Variants in SLC3A1 observed in about 807,000 individuals in gnomAD.
The protein encoded by SLC3A1 is solute carrier family 3 member 1.
SLC3A1 carries 78 observed loss-of-function variants against 60.3 expected under a neutral mutation model. That is an observed-to-expected ratio of 1.29 (90% CI 1.08 to 1.56). SLC3A1 has a LOEUF of 1.56. SLC3A1 is among the 40% of genes most tolerant of loss of function. The pLI is 0.00. For missense variants in SLC3A1, 1,172 were observed against 858.9 expected (o/e 1.36, Z -4.56); for synonymous variants, 392 against 307.9 (o/e 1.27, Z -2.86).
At chr2:44,316,166 A>G (rs1672443292) in intron 9 of SLC3A1, 1 of 152,292 alleles carries the variant, frequency 6.6e-6, no homozygotes, top group Non-Finnish European at 1.5e-5. Flanking sequence ...AAACAGATCA[A>G]GAATCACACA....
At chr2:44,313,774 C>T (rs768694759) in intron 8 of SLC3A1, 61 bp from the exon 9 acceptor site, 51 of 1,245,302 alleles carry the variant, frequency 4.1e-5, no homozygotes, top group Non-Finnish European at 5.9e-5. Flanking sequence ...TAAATCAGGA[C>T]CAAAGCACAT....
rs780321792 is a variant in SLC3A1 at position 44,304,186 on chromosome 2, G to T, written c.1180G>T (p.Val394Leu). The part of the protein sequence containing the change: ...EAYAESIDRT[V>L]MYYGLPFIQE... ...CTATGCAGAGAGTATTGACAGGACC[G>T]TGATGTACTATGGATTGCCATTTAT... is the stretch of plus-strand genomic sequence containing the variant. The change falls in exon 7 of 10, where the codon GTG (valine) becomes TTG (leucine). Residue 394 changes from valine (V) to leucine (L), a missense_variant. Physicochemically the swap from Val to Leu is conservative, Grantham distance 32. Coordinates refer to ENST00000260649, the MANE Select transcript of SLC3A1 (RefSeq NM_000341.4). 2 of 1,614,062 alleles carry T rather than the reference G, an allele frequency of 1.2e-6. No homozygotes were observed. Among genetic ancestry groups the T allele is most frequent in the East Asian group, 4.5e-5 (2 of 44,880 alleles).
At chr2:44,307,758 T>C (rs1474108426) in intron 7 of SLC3A1, among the ~76,000 whole-genome samples, 1 of 152,170 alleles carries the variant, frequency 6.6e-6, no homozygotes, top group Non-Finnish European at 1.5e-5. Flanking sequence ...TTTGCAAGTA[T>C]TTTCTCCCAT....
chr2:44,288,990 A>C (rs1195161014), intron 4 of SLC3A1, among the ~76,000 whole-genome samples: 1 of 151,754 alleles, frequency 6.6e-6, no homozygotes, highest in Admixed American at 6.6e-5. Flanking sequence ...ACGTGCCACC[A>C]TGCCCAACTA....
rs111275723 is a variant in SLC3A1 at position 44,280,246 on chromosome 2, C to CT, written c.431-460dup. Among the ~76,000 whole-genome samples the CT allele has an allele frequency of 4.3e-3, 638 of 148,752 alleles. 4 individuals carry two copies. Among genetic ancestry groups the CT allele is most frequent in the African/African-American group, 0.014 (572 of 40,628 alleles). On this transcript the variant is annotated intron_variant, in intron 1 of 9. Coordinates refer to ENST00000260649, the MANE Select transcript of SLC3A1 (RefSeq NM_000341.4). ...AGATGACTAATTTGATTTTCTCTTT[C>CT]TTTTTTTTTTGAGAAAGGGTCTTGC...
chr2:44,293,723 T>C (rs1222276257), intron 4 of SLC3A1, among the ~76,000 whole-genome samples: 1 of 152,134 alleles, frequency 6.6e-6, no homozygotes, highest in Non-Finnish European at 1.5e-5. Context: ...GGCCTGGTGT[T>C]GGTAGACCTT....
chr2:44,310,284 G>A (rs766035473), intron 7 of SLC3A1, among the ~76,000 whole-genome samples: 48 of 152,306 alleles, frequency 3.2e-4, no homozygotes, highest in South Asian at 1.2e-3. Context: ...AGCCATGTAC[G>A]AAGGTTCCAA....
chr2:44,311,260 TTATC>T (rs1476751301), intron 7 of SLC3A1, among the ~76,000 whole-genome samples: 6 of 152,226 alleles, frequency 3.9e-5, no homozygotes, highest in African/African-American at 1.2e-4. Flanking sequence ...ATAATTTCTC[TTATC>T]TATTTGATAA....
intron 9 of SLC3A1, 161 bp downstream of exon 9, chr2:44,314,112 A>T: frequency 6.6e-7 from 1 of 1,509,152 alleles, no homozygotes; most frequent in South Asian, 1.2e-5. Context: ...TTTGTAAATC[A>T]TGCCTTTGTG....
intron 4 of SLC3A1, among the ~76,000 whole-genome samples, chr2:44,288,216 G>A (rs555610692): frequency 7.2e-5 from 11 of 152,074 alleles, no homozygotes; most frequent in Non-Finnish European, 1.6e-4. Flanking sequence ...TGTAGAGACA[G>A]GGTTTTGCCA....
chr2:44,282,721 G>C (rs1671528573), intron 3 of SLC3A1, among the ~76,000 whole-genome samples: 1 of 152,048 alleles, frequency 6.6e-6, no homozygotes, highest in Non-Finnish European at 1.5e-5. Context: ...GCAGTGGCTT[G>C]ATCATGGCTC....
chr2:44,305,593 A>C (rs986768662), intron 7 of SLC3A1, among the ~76,000 whole-genome samples: 3 of 151,586 alleles, frequency 2.0e-5, no homozygotes, highest in African/African-American at 7.3e-5. Flanking sequence ...ATGCCTGGCT[A>C]ATTTTTTTAT....
Position 44,299,816 on chromosome 2 carries a change from T to C in SLC3A1, c.892-155T>C, listed in dbSNP as rs144517465. The stretch of plus-strand genomic sequence containing the variant: ...AGAGTGCATTTTAGTAAGACAGTTA[T>C]GCTAAATAGATAAAAATAGACTGTG... On this transcript the variant is annotated intron_variant, in intron 4 of 9. Coordinates refer to ENST00000260649, the MANE Select transcript of SLC3A1 (RefSeq NM_000341.4). Among the ~76,000 whole-genome samples the C allele has an allele frequency of 6.5e-3, 993 of 152,324 alleles. 8 individuals are homozygous for C. The highest frequency in any genetic ancestry group is 7.9e-3 in the Non-Finnish European group (536 of 68,006).
At position 44,286,169 on chromosome 2, in the gene SLC3A1, T is replaced by C. The variant is rs1479540994; in HGVS notation, c.891+12T>C. On this transcript the variant is annotated intron_variant, in intron 4 of 9. Coordinates refer to ENST00000260649, the MANE Select transcript of SLC3A1 (RefSeq NM_000341.4). ...AAGAAGAAATAAAAGTGAGTATAGA[T>C]ACCCACACAGACTTCTCCATTAATG... 21 of 1,612,916 alleles carry C rather than the reference T, an allele frequency of 1.3e-5. No individual in the cohort carries two copies. The highest frequency in any genetic ancestry group is 1.8e-5 in the Non-Finnish European group (21 of 1,179,096).
intron 4 of SLC3A1, among the ~76,000 whole-genome samples, chr2:44,289,055 G>A (rs1032682938): frequency 2.0e-5 from 3 of 151,766 alleles, no homozygotes; most frequent in East Asian, 1.9e-4. Context: ...GGCTGGTCTC[G>A]AGCTCCTGGT....
chr2:44,285,739 G>A (rs1671597961), intron 3 of SLC3A1: 6 of 573,456 alleles, frequency 1.0e-5, no homozygotes, highest in South Asian at 7.7e-5. Flanking sequence ...AAATACATTA[G>A]TAATGTCAGT....
At position 44,320,737 on chromosome 2, in the gene SLC3A1, A is replaced by C; in HGVS notation, c.*98A>C. The C allele has an allele frequency of 1.1e-6, 1 of 940,840 alleles. No homozygotes were observed. The allele number at this position is 940,840 out of a possible 1,614,324, so 58.3% of individuals were successfully genotyped here. ...GCATGCTGCTTGGTGAACAATCATTAATTCTTCGATATTTCTGTAGCTTGA... is the reference window on the plus strand; with the variant it reads ...GCATGCTGCTTGGTGAACAATCATTCATTCTTCGATATTTCTGTAGCTTGA... On this transcript the variant is annotated 3_prime_UTR_variant, in exon 10 of 10. Coordinates refer to ENST00000260649, the MANE Select transcript of SLC3A1 (RefSeq NM_000341.4).
In SLC3A1 at chr2:44,320,435, G is replaced by A. The variant is rs698761; in HGVS notation, c.1854G>A (p.Met618Ile). 0.65 allele frequency: 1,045,676 copies of A among 1,613,640 alleles called. 349,250 individuals carry two copies. The highest frequency in any genetic ancestry group is 0.69 in the Non-Finnish European group (815,654 of 1,179,718). The stretch of plus-strand genomic sequence containing the variant: ...TGATTTCGGGCCTTCCCGCTAAAAT[G>A]AGAATAAGGTTAAGTACCAATTCTG... Reference protein sequence around the residue: ...HNMISGLPAKMRIRLSTNSAD... With the variant: ...HNMISGLPAKIRIRLSTNSAD... Residue 618 changes from methionine (M) to isoleucine (I), a missense_variant, in exon 10 of 10, where the codon ATG becomes ATA. Transcript: ENST00000260649.
intron 8 of SLC3A1, among the ~76,000 whole-genome samples, chr2:44,313,355 A>G (rs758452045): frequency 6.6e-6 from 1 of 152,082 alleles, no homozygotes; most frequent in Non-Finnish European, 1.5e-5. Flanking sequence ...AATTTCCCTA[A>G]TATTTGATTA....
Sources: allele counts gnomAD v4.1 joint callset (sites outside exome capture counted in the v4.1 genomes callset), GRCh38; gene constraint gnomAD v4.1.1; transcripts MANE v1.5; gene names NCBI Gene and HGNC (gene_info 2026-07-23, HGNC 2026-07-21).